PARD3B: variants seen among roughly 807,000 people sequenced by gnomAD.
The protein encoded by PARD3B is partitioning defective 3 homolog B.
PARD3B carries 103 observed loss-of-function variants against 130.2 expected under a neutral mutation model. That is an observed-to-expected ratio of 0.79 (90% CI 0.67 to 0.93). The LOEUF (loss-of-function observed/expected upper bound fraction) is 0.93, where lower values mean the gene tolerates loss of function less well. Ranked by LOEUF, PARD3B falls within the 40% of genes least tolerant of loss-of-function variation. The probability of loss-of-function intolerance (pLI) is 0.00; values close to 1 mark genes in which losing one functional copy is unlikely to be tolerated. For missense variants in PARD3B, 1,609 were observed against 1,499.2 expected (o/e 1.07, Z -1.21); for synonymous variants, 583 against 553.2 (o/e 1.05, Z -0.76).
At chr2:205,496,965 A>T (rs2049949589) in intron 20 of PARD3B, among the ~76,000 whole-genome samples, 1 of 151,996 alleles carries the variant, frequency 6.6e-6, no homozygotes, top group African/African-American at 2.4e-5. Flanking sequence ...GAATTTCCGT[A>T]ATCGACAGAA....
At chr2:205,539,605 T>TTC (rs148263601) in intron 21 of PARD3B, among the ~76,000 whole-genome samples, 61,036 of 151,794 alleles carry the variant, frequency 0.4, 14,735 homozygotes, top group Middle Eastern at 0.64. Flanking sequence ...CTGTCACAAC[T>TTC]GATGACCAGC....
chr2:205,198,357 T>A (rs1192429971), intron 15 of PARD3B, among the ~76,000 whole-genome samples: 1 of 152,186 alleles, frequency 6.6e-6, no homozygotes, highest in African/African-American at 2.4e-5. Context: ...TTCCTGACAA[T>A]GAAGATTGTT....
At chr2:205,504,787 T>C (rs1367496516) in intron 21 of PARD3B, among the ~76,000 whole-genome samples, 2 of 152,190 alleles carry the variant, frequency 1.3e-5, no homozygotes, top group Non-Finnish European at 2.9e-5. Flanking sequence ...TTTACACTGT[T>C]GGTGGGACTG....
Position 205,405,319 on chromosome 2 carries a change from G to C in PARD3B, c.2741+4196G>C, listed in dbSNP as rs2046382261. Among the ~76,000 whole-genome samples the C allele has an allele frequency of 6.6e-6, 1 of 152,112 alleles. No individual in the cohort carries two copies. On this transcript the variant is annotated intron_variant, in intron 19 of 22. Transcript: ENST00000406610. The surrounding 1 kb of genome is among the most constrained non-coding windows in gnomAD (Gnocchi z 4.1). Reference sequence around the variant, plus strand: ...TTACTGGATAGAGGCTAGAAATGTAGCTAAAAATCTTACAATGCACAGGAC... The same window carrying C: ...TTACTGGATAGAGGCTAGAAATGTACCTAAAAATCTTACAATGCACAGGAC...
At chr2:205,336,098 C>T (rs536436563) in intron 18 of PARD3B, among the ~76,000 whole-genome samples, 34 of 152,304 alleles carry the variant, frequency 2.2e-4, no homozygotes, top group East Asian at 3.9e-4. Flanking sequence ...AAGCGATCTA[C>T]GCACCTCGGC....
chr2:205,340,367 A>G (rs1020767182), intron 18 of PARD3B, among the ~76,000 whole-genome samples: 10 of 152,152 alleles, frequency 6.6e-5, no homozygotes, highest in African/African-American at 2.4e-4. Flanking sequence ...CAAAGCTACC[A>G]TAACCAAAGC....
rs1704001789 is a variant in PARD3B at position 205,116,049 on chromosome 2, C to T, written c.680+2472C>T. On this transcript the variant is annotated intron_variant, in intron 6 of 22. Coordinates refer to ENST00000406610, the MANE Select transcript of PARD3B (RefSeq NM_001302769.2). The surrounding 1 kb of genome is among the most constrained non-coding windows in gnomAD (Gnocchi z 4.5). ...TAGTGGCTGCTCTGCTAGATAAAGC[C>T]TCAATGAATTCATTAGATACCATCG... Among the ~76,000 whole-genome samples, 1 of 151,802 alleles carries T rather than the reference C, an allele frequency of 6.6e-6. No homozygotes were observed. Among genetic ancestry groups the T allele is most frequent in the South Asian group, 2.1e-4 (1 of 4,822 alleles).
At chr2:204,599,361 C>T (rs909093208) in intron 1 of PARD3B, among the ~76,000 whole-genome samples, 2 of 151,898 alleles carry the variant, frequency 1.3e-5, no homozygotes, top group Admixed American at 6.6e-5. Flanking sequence ...ATCCCTGCTT[C>T]TAGTATCCTC....
At chr2:205,154,494 C>T (rs956634783) in intron 10 of PARD3B, among the ~76,000 whole-genome samples, 11 of 152,148 alleles carry the variant, frequency 7.2e-5, no homozygotes, top group Admixed American at 1.3e-4. Context: ...GTGGCGATTC[C>T]TCAAGGATCT....
At chr2:204,831,243 C>G (rs2043806154) in intron 2 of PARD3B, among the ~76,000 whole-genome samples, 1 of 152,138 alleles carries the variant, frequency 6.6e-6, no homozygotes, top group Admixed American at 6.5e-5. Flanking sequence ...TAATTTTACT[C>G]TTTTAGCTGC....
intron 2 of PARD3B, among the ~76,000 whole-genome samples, chr2:204,960,561 A>T (rs978513359): frequency 1.7e-5 from 2 of 114,758 alleles, no homozygotes; most frequent in African/African-American, 6.9e-5. Flanking sequence ...TAATTTTTTA[A>T]AAAAATATTT....
At chr2:204,785,397 GCCC>G (rs2041975214) in intron 2 of PARD3B, among the ~76,000 whole-genome samples, 1 of 152,086 alleles carries the variant, frequency 6.6e-6, no homozygotes, top group Admixed American at 6.5e-5. Flanking sequence ...TTATGTGCCA[GCCC>G]CTGCTCTTAC....
rs901397419 is a variant in PARD3B at position 204,623,423 on chromosome 2, A to G, written c.121-62758A>G. ...AACCTCCCTCGTGCCACCCCTTTATAGTCATACCCACACCCAGCACCCTCC... is the reference window on the plus strand; with the variant it reads ...AACCTCCCTCGTGCCACCCCTTTATGGTCATACCCACACCCAGCACCCTCC... On this transcript the variant is annotated intron_variant, in intron 1 of 22. Coordinates refer to ENST00000406610, the MANE Select transcript of PARD3B (RefSeq NM_001302769.2). The surrounding 1 kb of genome is among the most constrained non-coding windows in gnomAD (Gnocchi z 4.5). 6.6e-6 allele frequency among the ~76,000 whole-genome samples: 1 copy of G among 152,092 alleles called. No individual in the cohort carries two copies. Among genetic ancestry groups the G allele is most frequent in the African/African-American group, 2.4e-5 (1 of 41,454 alleles).
At chr2:205,535,593 G>T (rs1444578972) in intron 21 of PARD3B, among the ~76,000 whole-genome samples, 3 of 152,108 alleles carry the variant, frequency 2.0e-5, no homozygotes, top group Non-Finnish European at 4.4e-5. Context: ...GATGTAATGG[G>T]TCTCTTTAAA....
At chr2:204,798,882 A>T (rs1181253498) in intron 2 of PARD3B, among the ~76,000 whole-genome samples, 2 of 152,156 alleles carry the variant, frequency 1.3e-5, no homozygotes, top group Non-Finnish European at 2.9e-5. Flanking sequence ...AGCTGTAGCC[A>T]GTTAGTACTT....
At chr2:205,212,406 C>T (rs2037692935) in intron 15 of PARD3B, among the ~76,000 whole-genome samples, 1 of 152,072 alleles carries the variant, frequency 6.6e-6, no homozygotes, top group Admixed American at 6.6e-5. Context: ...TGAGTACAGA[C>T]TATCTCATAG....
In PARD3B at chr2:205,585,006, C is replaced by T. The variant is rs2054143514; in HGVS notation, c.3261-30450C>T. On this transcript the variant is annotated intron_variant, in intron 22 of 22. Transcript: ENST00000406610. The surrounding 1 kb of genome is among the most constrained non-coding windows in gnomAD (Gnocchi z 5.4). ...GGTGTCTAATTGCGCCCACAAATGACCGTTTGACAGGCACCACTCATTGTG... is the reference window on the plus strand; with the variant it reads ...GGTGTCTAATTGCGCCCACAAATGATCGTTTGACAGGCACCACTCATTGTG... Among the ~76,000 whole-genome samples, 1 of 152,122 alleles carries T rather than the reference C, an allele frequency of 6.6e-6. No individual in the cohort carries two copies. Among genetic ancestry groups the T allele is most frequent in the Admixed American group, 6.6e-5 (1 of 15,264 alleles).
intron 1 of PARD3B, among the ~76,000 whole-genome samples, chr2:204,641,233 G>GTA (rs1335956089): frequency 6.7e-6 from 1 of 149,604 alleles, no homozygotes; most frequent in Non-Finnish European, 1.5e-5. Flanking sequence ...TATATAATAA[G>GTA]TATATATATA....
chr2:205,566,770 A>C (rs1346950242), intron 22 of PARD3B, among the ~76,000 whole-genome samples: 1 of 152,254 alleles, frequency 6.6e-6, no homozygotes, highest in African/African-American at 2.4e-5. Context: ...TAAACCACAG[A>C]GTCGCATACT....
Sources: gnomAD v4.1 joint callset for allele counts (sites outside exome capture counted in the v4.1 genomes callset) on GRCh38, gnomAD v4.1.1 for gene constraint, Gnocchi (gnomAD v3.1) non-coding constraint, MANE v1.5 for transcripts, NCBI Gene and HGNC (gene_info 2026-07-23, HGNC 2026-07-21) for gene names.